The following ACACA variants were observed in gnomAD, a reference collection of about 807,000 sequenced individuals.
The protein encoded by ACACA is acetyl-CoA carboxylase alpha, also known as acetyl-CoA carboxylase 1.
In ACACA, 103 loss-of-function variants were observed where a neutral mutation model predicts 296.1. The observed-to-expected ratio is 0.35, with a 90% CI of 0.30 to 0.41. The LOEUF (loss-of-function observed/expected upper bound fraction) is 0.41, where lower values mean the gene tolerates loss of function less well. ACACA is among the 10% of genes least tolerant of loss of function. The pLI is 1.00. For synonymous variants in ACACA, 953 were observed against 1,038.6 expected (o/e 0.92, Z 1.58); for missense variants, 1,554 against 2,989.7 (o/e 0.52, Z 11.20).
At chr17:37,354,218 G>A (rs1201677082) in intron 1 of ACACA, among the ~76,000 whole-genome samples, 1 of 152,162 alleles carries the variant, frequency 6.6e-6, no homozygotes, top group Non-Finnish European at 1.5e-5. Flanking sequence ...AAACATTATT[G>A]TGGTTCCTTA....
At chr17:37,217,521 G>T (rs1195261074) in intron 29 of ACACA, among the ~76,000 whole-genome samples, 1 of 151,668 alleles carries the variant, frequency 6.6e-6, no homozygotes, top group African/African-American at 2.4e-5. Context: ...GGATCACAAG[G>T]TAATGAGATC....
intron 14 of ACACA, among the ~76,000 whole-genome samples, chr17:37,254,880 A>G (rs2081157565): frequency 6.6e-6 from 1 of 151,988 alleles, no homozygotes; most frequent in Non-Finnish European, 1.5e-5. Flanking sequence ...AAAAAAAAAA[A>G]AGAATAAATG....
rs370259948 is a variant in ACACA at position 37,085,469 on chromosome 17, T to C, written c.*1847A>G. The C allele has an allele frequency of 4.5e-5, 18 of 397,316 alleles. No individual in the cohort carries two copies. Among genetic ancestry groups the C allele is most frequent in the African/African-American group, 3.7e-4 (18 of 48,722 alleles). 24.6% of individuals were successfully genotyped at this position (397,316 alleles called of 1,614,324 possible). A position where few individuals can be genotyped will look rare whatever the true frequency, so the allele number is the denominator to read the frequency against. The stretch of plus-strand genomic sequence containing the variant: ...CATACCACTTGTAGATATGTGGGAT[T>C]TGATTTATTGCAAAAAAGCATAGAA... On this transcript the variant is annotated 3_prime_UTR_variant, in exon 56 of 56. Transcript: ENST00000616317.
At chr17:37,337,140 T>G (rs1025357887) in intron 2 of ACACA, among the ~76,000 whole-genome samples, 2 of 152,136 alleles carry the variant, frequency 1.3e-5, no homozygotes, top group Admixed American at 1.3e-4. Flanking sequence ...AGGTTGAGAA[T>G]CACTGTGGTA....
intron 3 of ACACA, chr17:37,289,570 G>C: frequency 2.5e-6 from 3 of 1,177,222 alleles, no homozygotes; most frequent in Non-Finnish European, 3.5e-6. Context: ...AACTAGGACT[G>C]ATCTTCTTAG....
intron 4 of ACACA, among the ~76,000 whole-genome samples, chr17:37,284,183 G>C (rs529394800): frequency 2.2e-4 from 34 of 152,242 alleles, no homozygotes; most frequent in African/African-American, 8.2e-4. Flanking sequence ...AAAGTGACAC[G>C]GAATTACATT....
chr17:37,207,861 T>C (rs1286579663), intron 30 of ACACA, 61 bp from the exon 31 acceptor site: 11 of 1,586,408 alleles, frequency 6.9e-6, no homozygotes, highest in Admixed American at 5.0e-5. Flanking sequence ...ACTGGGAAAG[T>C]AACAGTAGGG....
chr17:37,213,555 G>C (rs1334475856), intron 29 of ACACA, among the ~76,000 whole-genome samples: 1 of 152,086 alleles, frequency 6.6e-6, no homozygotes, highest in Non-Finnish European at 1.5e-5. Context: ...TTTTACAGAT[G>C]TGATAACCAA....
At chr17:37,091,153 T>C (rs1370265414) in intron 54 of ACACA, among the ~76,000 whole-genome samples, 1 of 152,206 alleles carries the variant, frequency 6.6e-6, no homozygotes, top group Non-Finnish European at 1.5e-5. Flanking sequence ...CTTCCAACAA[T>C]GCTCAGACAC....
chr17:37,207,630 TACAG>T, intron 31 of ACACA, 23 bp downstream of exon 31: 2 of 1,613,286 alleles, frequency 1.2e-6, no homozygotes, highest in Admixed American at 1.7e-5. Flanking sequence ...GCTCCCCTTG[TACAG>T]ACATAGTTCC....
At chr17:37,363,179 CTTT>C (rs902746004) in intron 1 of ACACA, among the ~76,000 whole-genome samples, 32 of 72,836 alleles carry the variant, frequency 4.4e-4, no homozygotes, top group African/African-American at 1.2e-3. Flanking sequence ...TTCTCTTTTT[CTTT>C]TTTTTTTTTT....
At chr17:37,265,190 A>G (rs552348880) in intron 10 of ACACA, among the ~76,000 whole-genome samples, 2 of 152,318 alleles carry the variant, frequency 1.3e-5, no homozygotes, top group South Asian at 4.1e-4. Flanking sequence ...AAGCCAGCTA[A>G]GATTCAAGGG....
Position 37,211,093 on chromosome 17 carries a change from AG to A in ACACA, c.3684-604del, listed in dbSNP as rs765481876. Among the ~76,000 whole-genome samples the A allele has an allele frequency of 2.6e-5, 4 of 152,172 alleles. 1 individual carries two copies. In the South Asian group the frequency reaches 6.2e-4, roughly 24 times the overall value. On this transcript the variant is annotated intron_variant, in intron 29 of 55. Coordinates refer to ENST00000616317, the MANE Select transcript of ACACA (RefSeq NM_198834.3). ...TACTCTTCCTCCCATGAAGGAGAGC[AG>A]GGGGGAAGGTACTGTATTCTAGGAG...
At chr17:37,200,601 A>G in intron 33 of ACACA, 118 bp from the exon 34 acceptor site, 2 of 916,632 alleles carry the variant, frequency 2.2e-6, no homozygotes, top group South Asian at 2.8e-5. Flanking sequence ...GGATATCCTT[A>G]TCTTAGCTTA....
intron 45 of ACACA, among the ~76,000 whole-genome samples, chr17:37,142,756 T>C (rs1248821684): frequency 6.6e-6 from 1 of 152,226 alleles, no homozygotes; most frequent in Non-Finnish European, 1.5e-5. Context: ...CGACTGAACA[T>C]CGTGCCTCTC....
chr17:37,222,091 C>A, intron 28 of ACACA: 1 of 530,292 alleles, frequency 1.9e-6, no homozygotes, highest in South Asian at 2.1e-5. Flanking sequence ...CACTGTAAAC[C>A]TTCTTCCACA....
At chr17:37,122,304 A>C (rs1183397913) in intron 49 of ACACA, among the ~76,000 whole-genome samples, 1 of 152,232 alleles carries the variant, frequency 6.6e-6, no homozygotes, top group Non-Finnish European at 1.5e-5. Flanking sequence ...GTTTTCTAGC[A>C]TCAAGAAGAC....
At chr17:37,285,546 G>A (rs1213058183) in intron 3 of ACACA, among the ~76,000 whole-genome samples, 1 of 152,106 alleles carries the variant, frequency 6.6e-6, no homozygotes, top group Non-Finnish European at 1.5e-5. Flanking sequence ...GGGTGCAGTG[G>A]CTCATGCCTG....
intron 3 of ACACA, among the ~76,000 whole-genome samples, chr17:37,297,082 T>C (rs935103856): frequency 1.3e-5 from 2 of 152,190 alleles, no homozygotes; most frequent in Admixed American, 6.5e-5. Context: ...TATAGAGATA[T>C]ATATGCACGT....
Sources: allele counts gnomAD v4.1 joint callset (sites outside exome capture counted in the v4.1 genomes callset), GRCh38; gene constraint gnomAD v4.1.1; transcripts MANE v1.5; gene names NCBI Gene and HGNC (gene_info 2026-07-23, HGNC 2026-07-21).